Variants in PTPN14 observed in about 807,000 individuals in gnomAD.
PTPN14 encodes the protein protein tyrosine phosphatase non-receptor type 14.
In PTPN14, 53 loss-of-function variants were observed where a neutral mutation model predicts 126.8. The observed-to-expected ratio is 0.42, with a 90% CI of 0.34 to 0.53. The LOEUF is 0.53. Among genes scored for constraint, PTPN14 ranks in the 20% least tolerant of loss-of-function variants. PTPN14 has a pLI of 0.08. For missense variants in PTPN14, 1,257 were observed against 1,552.9 expected (o/e 0.81, Z 3.20); for synonymous variants, 630 against 599.3 (o/e 1.05, Z -0.75).
chr1:214,549,825 G>T (rs4072932), intron 1 of PTPN14, among the ~76,000 whole-genome samples: 104,606 of 152,066 alleles, frequency 0.69, 36,896 homozygotes, highest in African/African-American at 0.73. Context: ...TTGGCTCCTC[G>T]GTAAGCTACT....
At chr1:214,461,123 CAA>C in intron 2 of PTPN14, among the ~76,000 whole-genome samples, 1 of 127,558 alleles carries the variant, frequency 7.8e-6, no homozygotes, top group South Asian at 2.8e-4. Context: ...TCTAAGAAAT[CAA>C]AGTCTTAAAA....
chr1:214,433,520 T>C (rs187278373), intron 3 of PTPN14, among the ~76,000 whole-genome samples: 66 of 152,136 alleles, frequency 4.3e-4, no homozygotes, highest in African/African-American at 1.4e-3. Context: ...CCTTTCTGAT[T>C]CCTACAAGGA....
rs1657805191 is a variant in PTPN14 at position 214,355,821 on chromosome 1, T to C, written c.*2101A>G. 1 of 152,130 alleles carries C rather than the reference T, an allele frequency of 6.6e-6. No individual in the cohort carries two copies. Among genetic ancestry groups the C allele is most frequent in the African/African-American group, 2.4e-5 (1 of 41,408 alleles). 9.4% of individuals were successfully genotyped at this position (152,130 alleles called of 1,614,324 possible). ...TTCTGGTTGATTTGATGTCACTCCA[T>C]CTTTTTAGCTCACGGGGGACAAAAG... On this transcript the variant is annotated 3_prime_UTR_variant, in exon 19 of 19. Transcript: ENST00000366956.
intron 1 of PTPN14, among the ~76,000 whole-genome samples, chr1:214,481,065 G>A (rs1318234110): frequency 6.6e-6 from 1 of 152,254 alleles, no homozygotes; most frequent in South Asian, 2.1e-4. Flanking sequence ...GAGAAAAGGA[G>A]ATGACAAGGG....
chr1:214,494,015 C>T (rs2102421393), intron 1 of PTPN14, among the ~76,000 whole-genome samples: 1 of 152,278 alleles, frequency 6.6e-6, no homozygotes, highest in South Asian at 2.1e-4. Context: ...GGCAGCACTC[C>T]ACAAGTGTCC....
At chr1:214,545,856 T>C (rs1240217710) in intron 1 of PTPN14, among the ~76,000 whole-genome samples, 1 of 152,072 alleles carries the variant, frequency 6.6e-6, no homozygotes, top group Non-Finnish European at 1.5e-5. Context: ...GTGGCATGTA[T>C]AGCAGACACT....
intron 3 of PTPN14, among the ~76,000 whole-genome samples, chr1:214,447,276 A>G (rs1008749820): frequency 2.6e-5 from 4 of 152,100 alleles, no homozygotes; most frequent in Non-Finnish European, 5.9e-5. Flanking sequence ...CGGACCTCAG[A>G]TGCTGCTAAA....
At chr1:214,390,030 G>A (rs1658713507) in intron 11 of PTPN14, among the ~76,000 whole-genome samples, 1 of 152,136 alleles carries the variant, frequency 6.6e-6, no homozygotes, top group Non-Finnish European at 1.5e-5. Context: ...CATTTTCAAG[G>A]AAATAAACTT....
intron 1 of PTPN14, among the ~76,000 whole-genome samples, chr1:214,542,244 T>A (rs1392367601): frequency 6.6e-6 from 1 of 152,244 alleles, no homozygotes; most frequent in Non-Finnish European, 1.5e-5. Context: ...TGTGTATATG[T>A]GTAAACAATA....
chr1:214,529,638 C>A (rs970377291), intron 1 of PTPN14: 1 of 152,294 alleles, frequency 6.6e-6, no homozygotes, highest in Non-Finnish European at 1.5e-5. Context: ...AGTCCCAGCA[C>A]TTTGGGAGAC....
chr1:214,459,991 G>C (rs556806186), intron 2 of PTPN14, among the ~76,000 whole-genome samples: 1 of 152,306 alleles, frequency 6.6e-6, no homozygotes, highest in African/African-American at 2.4e-5. Context: ...AGGAAAGAAT[G>C]TTTCCCAAAG....
chr1:214,440,892 T>C (rs989095398), intron 3 of PTPN14, among the ~76,000 whole-genome samples: 3 of 152,192 alleles, frequency 2.0e-5, no homozygotes, highest in African/African-American at 7.2e-5. Flanking sequence ...TTCAGTTCTT[T>C]CAAAAATGAT....
At chr1:214,387,511 CAAGAAAAA>C (rs1224546316) in intron 11 of PTPN14, among the ~76,000 whole-genome samples, 1 of 151,102 alleles carries the variant, frequency 6.6e-6, no homozygotes, top group Non-Finnish European at 1.5e-5. Context: ...ACTTCGTCTC[CAAGAAAAA>C]AAGAAAAAAA....
chr1:214,443,413 T>A (rs1259776571), intron 3 of PTPN14, among the ~76,000 whole-genome samples: 1 of 152,148 alleles, frequency 6.6e-6, no homozygotes, highest in Non-Finnish European at 1.5e-5. Context: ...CAGCGCTACA[T>A]TTCTATTTTC....
At chr1:214,516,377 T>A (rs1655103552) in intron 1 of PTPN14, among the ~76,000 whole-genome samples, 1 of 152,198 alleles carries the variant, frequency 6.6e-6, no homozygotes, top group Admixed American at 6.5e-5. Flanking sequence ...GAGTATCCTT[T>A]GCAAGGATGG....
intron 15 of PTPN14, among the ~76,000 whole-genome samples, chr1:214,373,423 C>T (rs1658265126): frequency 6.6e-6 from 1 of 152,150 alleles, no homozygotes; most frequent in African/African-American, 2.4e-5. Flanking sequence ...TACACATACA[C>T]ACATGTATAG....
chr1:214,518,312 A>G (rs957259005), intron 1 of PTPN14, among the ~76,000 whole-genome samples: 1 of 152,196 alleles, frequency 6.6e-6, no homozygotes, highest in Non-Finnish European at 1.5e-5. Context: ...ACTACTAATA[A>G]AAGAAACTCC....
chr1:214,363,397 A>G (rs1205819183), intron 18 of PTPN14, among the ~76,000 whole-genome samples: 1 of 152,230 alleles, frequency 6.6e-6, no homozygotes, highest in Non-Finnish European at 1.5e-5. Context: ...CTGATTTTCA[A>G]ACGATTCATG....
rs144047168 is a variant in PTPN14, at chr1:214,383,570, C to T, written c.2285G>A (p.Gly762Glu). The T allele has an allele frequency of 3.9e-5, 63 of 1,613,798 alleles. No individual in the cohort carries two copies. In the African/African-American group the frequency reaches 8.0e-4, roughly 20 times the overall value. ...GCTGGCTTGGTCCTGCCTCAGAGCC[C>T]CATTGCTCACACTCTTCCTTGGACC... ...YPGPRKSVSN[G>E]ALRQDQASLP... is the part of the protein sequence containing the mutation. Residue 762 changes from glycine to glutamate, a missense_variant, in exon 13 of 19, where the codon GGG (glycine) becomes GAG (glutamate). Coordinates refer to ENST00000366956, the MANE Select transcript of PTPN14 (RefSeq NM_005401.5). The surrounding 1 kb of genome is among the most constrained non-coding windows in gnomAD (Gnocchi z 4.4).
Sources: allele counts gnomAD v4.1 joint callset (sites outside exome capture counted in the v4.1 genomes callset), GRCh38; gene constraint gnomAD v4.1.1; non-coding constraint Gnocchi (gnomAD v3.1); transcripts MANE v1.5; gene names NCBI Gene and HGNC (gene_info 2026-07-23, HGNC 2026-07-21).